Variants in CLASP2 observed in about 807,000 individuals in gnomAD.
CLASP2 encodes CLIP-associating protein 2.
A neutral mutation model predicts 194.4 loss-of-function variants in CLASP2; 47 were observed. The observed-to-expected ratio is 0.24, with a 90% CI of 0.19 to 0.31. The LOEUF (loss-of-function observed/expected upper bound fraction) is 0.31, where lower values mean the gene tolerates loss of function less well. CLASP2 is among the 10% of genes least tolerant of loss of function. The pLI, the probability that CLASP2 is intolerant of heterozygous loss-of-function variation, is 1.00. For synonymous variants in CLASP2, 619 were observed against 633.5 expected, an observed-to-expected ratio of 0.98 and a Z score of 0.34; for missense variants, 1,445 against 1,823.6, an observed-to-expected ratio of 0.79 and a Z score of 3.78.
chr3:33,636,978 C>T (rs1319374544), intron 8 of CLASP2, among the ~76,000 whole-genome samples: 1 of 152,078 alleles, frequency 6.6e-6, no homozygotes, highest in Admixed American at 6.6e-5. Flanking sequence ...ATAAGTATAT[C>T]CTGGTTTGAA....
intron 1 of CLASP2, among the ~76,000 whole-genome samples, chr3:33,698,304 C>T (rs891021294): frequency 5.3e-5 from 8 of 152,006 alleles, no homozygotes; most frequent in Non-Finnish European, 1.2e-4. Context: ...GCCTTCTACC[C>T]CAGAGGAAGG....
At chr3:33,704,582 T>C (rs892073211) in intron 1 of CLASP2, among the ~76,000 whole-genome samples, 2 of 151,812 alleles carry the variant, frequency 1.3e-5, no homozygotes, top group Non-Finnish European at 2.9e-5. Flanking sequence ...TGAAACCCCA[T>C]CTCTAATAAA....
intron 28 of CLASP2, among the ~76,000 whole-genome samples, chr3:33,560,293 A>G (rs1412699799): frequency 1.3e-5 from 2 of 150,292 alleles, no homozygotes; most frequent in Non-Finnish European, 3.0e-5. Context: ...CCCACGCTGG[A>G]GTGCAGTGGT....
chr3:33,581,945 G>A lies in CLASP2; in HGVS notation c.2240-17C>T. ...TGCTTCGGGCTGGTGTGAAGCAACA[G>A]CAGCACACACAGTAAGGGAGAAAAC... is the stretch of plus-strand genomic sequence containing the variant. On this transcript the variant is annotated splice_polypyrimidine_tract_variant and intron_variant, in intron 22 of 38. Transcript: ENST00000682230. 7.1e-6 allele frequency: 11 copies of A among 1,553,590 alleles called. No homozygotes were observed. The highest frequency in any genetic ancestry group is 9.8e-6 in the Non-Finnish European group (11 of 1,125,846).
intron 16 of CLASP2, among the ~76,000 whole-genome samples, chr3:33,604,841 T>C (rs1245645719): frequency 2.0e-5 from 3 of 152,186 alleles, no homozygotes; most frequent in Non-Finnish European, 4.4e-5. Flanking sequence ...ACAGTACTAT[T>C]ATTTTTCACT....
chr3:33,593,833 A>T (rs557499385), intron 20 of CLASP2, among the ~76,000 whole-genome samples: 2 of 152,140 alleles, frequency 1.3e-5, no homozygotes, highest in African/African-American at 4.8e-5. Context: ...CAGTGCGAGA[A>T]ATCATGTTTT....
At chr3:33,595,788 T>C (rs1483011379) in intron 19 of CLASP2, among the ~76,000 whole-genome samples, 1 of 152,036 alleles carries the variant, frequency 6.6e-6, no homozygotes, top group African/African-American at 2.4e-5. Context: ...AGGGGTTTGA[T>C]ACATAGAAAC....
At chr3:33,668,061 T>G (rs1474546035) in intron 6 of CLASP2, among the ~76,000 whole-genome samples, 1 of 151,862 alleles carries the variant, frequency 6.6e-6, no homozygotes, top group African/African-American at 2.4e-5. Flanking sequence ...CTACTAAAAG[T>G]ACAAAAAATT....
intron 5 of CLASP2, among the ~76,000 whole-genome samples, chr3:33,686,093 T>A (rs1042488680): frequency 9.2e-5 from 14 of 152,124 alleles, no homozygotes; most frequent in Admixed American, 2.6e-4. Flanking sequence ...GCACAGCTCA[T>A]TGTGAAATAG....
intron 30 of CLASP2, among the ~76,000 whole-genome samples, chr3:33,548,007 C>CTCA: frequency 6.6e-6 from 1 of 151,912 alleles, no homozygotes; most frequent in South Asian, 2.1e-4. Context: ...CTCTTCTGGG[C>CTCA]TCAGGCAATC....
chr3:33,586,624 A>G (rs1560169019), intron 21 of CLASP2, among the ~76,000 whole-genome samples: 1 of 152,202 alleles, frequency 6.6e-6, no homozygotes, highest in African/African-American at 2.4e-5. Flanking sequence ...CTTTATGTCT[A>G]CGTTGAATAG....
At chr3:33,561,747 T>A (rs566802955) in intron 27 of CLASP2, among the ~76,000 whole-genome samples, 2 of 152,284 alleles carry the variant, frequency 1.3e-5, no homozygotes, top group African/African-American at 4.8e-5. Context: ...CTCATTAAAA[T>A]ACTTATGAAA....
intron 8 of CLASP2, among the ~76,000 whole-genome samples, chr3:33,637,288 T>C (rs1175535582): frequency 1.3e-5 from 2 of 152,142 alleles, no homozygotes; most frequent in East Asian, 1.9e-4. Flanking sequence ...TCCCAGCACT[T>C]TGGAAGGCCA....
chr3:33,570,744 C>A lies in CLASP2; in HGVS notation c.2746G>T (p.Ala916Ser). 1 of 1,592,628 alleles carries A rather than the reference C, an allele frequency of 6.3e-7. No homozygotes were observed. The highest frequency in any genetic ancestry group is 1.1e-5 in the South Asian group (1 of 87,638). Residue 916 changes from alanine to serine, a missense_variant, in exon 26 of 39, where the codon GCT becomes TCT. This residue lies in a region of CLASP2 where 732 missense variants were observed against 987.9 expected (regional missense o/e 0.74). Coordinates refer to ENST00000682230, the MANE Select transcript of CLASP2 (RefSeq NM_001365631.1). ...RLCEIFTRMF[A>S]DPHGKRVFSM... ...AAACATACCTTGCCATGAGGGTCAG[C>A]AAACATTCTTGTGAAAATTTCACAT...
chr3:33,676,114 C>T (rs1365470964), intron 6 of CLASP2, among the ~76,000 whole-genome samples: 5 of 151,514 alleles, frequency 3.3e-5, no homozygotes, highest in Non-Finnish European at 5.9e-5. Flanking sequence ...AAAAAGAGCC[C>T]GCATTGCCAA....
chr3:33,573,043 T>C (rs1027982752), intron 25 of CLASP2, 67 bp downstream of exon 25: 22 of 1,573,504 alleles, frequency 1.4e-5, no homozygotes, highest in South Asian at 4.6e-5. Flanking sequence ...TAAAGTGTTA[T>C]AGAAACAAAG....
chr3:33,553,244 T>A (rs1040646633), intron 29 of CLASP2, among the ~76,000 whole-genome samples: 1 of 152,064 alleles, frequency 6.6e-6, no homozygotes, highest in Non-Finnish European at 1.5e-5. Context: ...CCTTCCTACT[T>A]CCAGTTAAAA....
chr3:33,583,057 G>C (rs1560148654), intron 22 of CLASP2, among the ~76,000 whole-genome samples: 1 of 152,152 alleles, frequency 6.6e-6, no homozygotes, highest in African/African-American at 2.4e-5. Flanking sequence ...CAAAGCAAAA[G>C]AGCAAAGGAA....
At chr3:33,590,083 A>C (rs2068371001) in intron 21 of CLASP2, among the ~76,000 whole-genome samples, 1 of 152,150 alleles carries the variant, frequency 6.6e-6, no homozygotes, top group African/African-American at 2.4e-5. Context: ...CAGTATTTAA[A>C]ATTTTTTTAA....
Sources: gnomAD v4.1 joint callset for allele counts (sites outside exome capture counted in the v4.1 genomes callset) on GRCh38, gnomAD v4.1.1 for gene constraint, gnomAD v4.1.1 regional missense constraint, MANE v1.5 for transcripts, NCBI Gene and HGNC (gene_info 2026-07-23, HGNC 2026-07-21) for gene names.